Variants in PIAS1 observed in about 807,000 individuals in gnomAD.
PIAS1 encodes protein inhibitor of activated STAT 1.
PIAS1 carries 6 observed loss-of-function variants against 71.3 expected under a neutral mutation model. That is an observed-to-expected ratio of 0.08 (90% CI 0.05 to 0.17). The LOEUF (loss-of-function observed/expected upper bound fraction) is 0.17. Among genes scored for constraint, PIAS1 ranks in the 10% least tolerant of loss-of-function variants. PIAS1 has a pLI of 1.00. For missense variants in PIAS1, 555 were observed against 793.6 expected (o/e 0.70, Z 3.61); for synonymous variants, 303 against 292.9 (o/e 1.03, Z -0.35).
intron 1 of PIAS1, among the ~76,000 whole-genome samples, chr15:68,073,221 A>G (rs2092120490): frequency 6.6e-6 from 1 of 151,936 alleles, no homozygotes. Flanking sequence ...GTTTCACTGT[A>G]TTAGCCAGGA....
At chr15:68,130,157 C>A (rs1411669049) in intron 2 of PIAS1, among the ~76,000 whole-genome samples, 2 of 151,470 alleles carry the variant, frequency 1.3e-5, no homozygotes, top group African/African-American at 2.4e-5. Flanking sequence ...CACCTGTATA[C>A]CCACAAAAAT....
chr15:68,079,895 C>G (rs901538556), intron 1 of PIAS1, among the ~76,000 whole-genome samples: 3 of 151,880 alleles, frequency 2.0e-5, no homozygotes, highest in Non-Finnish European at 4.4e-5. Context: ...TACAATGGTG[C>G]GATCTCAGCT....
At chr15:68,113,105 T>A (rs959150221) in intron 2 of PIAS1, among the ~76,000 whole-genome samples, 24 of 152,188 alleles carry the variant, frequency 1.6e-4, no homozygotes, top group African/African-American at 5.8e-4. Context: ...TAAAGATATG[T>A]TTATTAACAT....
intron 6 of PIAS1, among the ~76,000 whole-genome samples, chr15:68,147,460 ACT>A (rs1434932982): frequency 3.3e-5 from 5 of 151,844 alleles, no homozygotes; most frequent in Admixed American, 6.6e-5. Context: ...GTAAAACTTA[ACT>A]CTGTTTCATG....
intron 7 of PIAS1, among the ~76,000 whole-genome samples, chr15:68,155,049 G>T (rs1402623775): frequency 1.3e-5 from 2 of 152,098 alleles, no homozygotes; most frequent in Non-Finnish European, 2.9e-5. Flanking sequence ...AAGAAATAAG[G>T]CAGATGAAGT....
chr15:68,146,156 T>G (rs1443389524), intron 5 of PIAS1, among the ~76,000 whole-genome samples: 2 of 152,144 alleles, frequency 1.3e-5, no homozygotes, highest in Admixed American at 1.3e-4. Flanking sequence ...CGAAGTTTTT[T>G]CAACAAAATC....
At chr15:68,181,066 A>T in intron 11 of PIAS1, 146 bp from the exon 12 acceptor site, 1 of 631,640 alleles carries the variant, frequency 1.6e-6, no homozygotes, top group East Asian at 2.8e-5. Flanking sequence ...AATTGTGTAT[A>T]ATCTAAATTA....
chr15:68,079,385 C>A (rs1262339753), intron 1 of PIAS1, among the ~76,000 whole-genome samples: 1 of 152,066 alleles, frequency 6.6e-6, no homozygotes, highest in Non-Finnish European at 1.5e-5. Context: ...CCATATTTTC[C>A]CACCTCTGCA....
In PIAS1 at chr15:68,191,298, A is replaced by C. The variant is rs1216822996; in HGVS notation, c.*3463A>C. The C allele has an allele frequency of 1.3e-5, 2 of 152,686 alleles. No homozygotes were observed. The highest frequency in any genetic ancestry group is 2.4e-5 in the African/African-American group (1 of 41,476). The allele number at this position is 152,686 out of a possible 1,614,324, so 9.5% of individuals were successfully genotyped here. A position where few individuals can be genotyped will look rare whatever the true frequency, so the allele number is the denominator to read the frequency against. ...CTTAGAATTTCCATACCGCATGCCA[A>C]ACCAGTAAAATGGCTTTTAAAAATG... On this transcript the variant is annotated 3_prime_UTR_variant, in exon 14 of 14. Coordinates refer to ENST00000249636, the MANE Select transcript of PIAS1 (RefSeq NM_016166.3).
At chr15:68,131,258 A>C (rs2141031788) in intron 2 of PIAS1, among the ~76,000 whole-genome samples, 1 of 152,326 alleles carries the variant, frequency 6.6e-6, no homozygotes, top group South Asian at 2.1e-4. Flanking sequence ...ATATTTATTT[A>C]TTGAAAAATT....
chr15:68,133,337 C>T, intron 2 of PIAS1, among the ~76,000 whole-genome samples: 1 of 152,110 alleles, frequency 6.6e-6, no homozygotes, highest in East Asian at 1.9e-4. Flanking sequence ...AATATATCAG[C>T]TCTCAAAATA....
At chr15:68,092,326 C>T (rs2092338909) in intron 2 of PIAS1, among the ~76,000 whole-genome samples, 1 of 152,064 alleles carries the variant, frequency 6.6e-6, no homozygotes, top group Non-Finnish European at 1.5e-5. Context: ...CAGGAGCAAC[C>T]ATGCCTGGCT....
At chr15:68,063,131 A>G (rs1377591623) in intron 1 of PIAS1, among the ~76,000 whole-genome samples, 2 of 152,186 alleles carry the variant, frequency 1.3e-5, no homozygotes, top group African/African-American at 4.8e-5. Flanking sequence ...AGGGTTGTAT[A>G]GCTTGAGGAG....
At chr15:68,145,282 TG>T (rs537787515) in intron 4 of PIAS1, among the ~76,000 whole-genome samples, 187 of 152,284 alleles carry the variant, frequency 1.2e-3, no homozygotes, top group African/African-American at 4.3e-3. Context: ...TTACTGATCC[TG>T]GGGATGGACT....
rs1019522307 is a variant in PIAS1 at position 68,090,341 on chromosome 15, C to T, written c.469+3591C>T. On this transcript the variant is annotated intron_variant, in intron 2 of 13. Coordinates refer to ENST00000249636, the MANE Select transcript of PIAS1 (RefSeq NM_016166.3). ...ACTCAGCCTCCCAAGTAGTTGAGAC[C>T]ACAGGCATGCACCACCACACCTGGC... Among the ~76,000 whole-genome samples, 10 of 151,986 alleles carry T rather than the reference C, an allele frequency of 6.6e-5. No homozygotes were observed. In the South Asian group the frequency reaches 2.1e-3, roughly 32 times the overall value.
intron 2 of PIAS1, among the ~76,000 whole-genome samples, chr15:68,138,466 A>G: frequency 6.6e-6 from 1 of 151,892 alleles, no homozygotes; most frequent in Non-Finnish European, 1.5e-5. Context: ...CTGTCACTTT[A>G]TTTATTTATT....
intron 2 of PIAS1, among the ~76,000 whole-genome samples, chr15:68,088,876 C>G (rs1440064315): frequency 6.6e-6 from 1 of 152,064 alleles, no homozygotes; most frequent in South Asian, 2.1e-4. Flanking sequence ...GCCGGTAGTT[C>G]ATTTGTTTTA....
At chr15:68,079,728 C>T (rs967741013) in intron 1 of PIAS1, among the ~76,000 whole-genome samples, 1 of 152,130 alleles carries the variant, frequency 6.6e-6, no homozygotes, top group African/African-American at 2.4e-5. Flanking sequence ...TTCCTCCTGC[C>T]TCAGCCTCCC....
At position 68,189,276 on chromosome 15, in the gene PIAS1, ATGT is replaced by A. The variant is rs2093107451; in HGVS notation, c.*1443_*1445del. 6.6e-6 allele frequency: 1 copy of A among 152,214 alleles called. No homozygotes were observed. The highest frequency in any genetic ancestry group is 1.5e-5 in the Non-Finnish European group (1 of 68,024). 9.4% of individuals were successfully genotyped at this position (152,214 alleles called of 1,614,324 possible). ...CAAAATCCTCATCAGAGAAGGTATG[ATGT>A]TCTCAGGTGTGGAAAATATTTTTTA... On this transcript the variant is annotated 3_prime_UTR_variant, in exon 14 of 14. Transcript: ENST00000249636.
Sources: gnomAD v4.1 joint callset for allele counts (sites outside exome capture counted in the v4.1 genomes callset) on GRCh38, gnomAD v4.1.1 for gene constraint, MANE v1.5 for transcripts, NCBI Gene and HGNC (gene_info 2026-07-23, HGNC 2026-07-21) for gene names.